Variants in DRC11 observed in about 807,000 individuals in gnomAD.
The protein encoded by DRC11 is dynein regulatory complex subunit 11.
At chr2:236,483,623 C>G in the DRC11 span, among the ~76,000 whole-genome samples, 1 of 152,094 alleles carries the variant, frequency 6.6e-6, no homozygotes, top group East Asian at 1.9e-4. The surrounding 1 kb of genome is among the most constrained non-coding windows in gnomAD (Gnocchi z 4.8). Flanking sequence ...ATTCTTTCCT[C>G]AAGCAAAATA....
the DRC11 span, among the ~76,000 whole-genome samples, chr2:236,354,285 A>AG: frequency 1.3e-4 from 7 of 55,174 alleles, no homozygotes; most frequent in African/African-American, 6.9e-4. Context: ...GTATGAGTTT[A>AG]TGTTAGTGTG....
At chr2:236,434,314 T>C in the DRC11 span, among the ~76,000 whole-genome samples, 1 of 152,244 alleles carries the variant, frequency 6.6e-6, no homozygotes, top group African/African-American at 2.4e-5. The surrounding 1 kb of genome is among the most constrained non-coding windows in gnomAD (Gnocchi z 5.5). Flanking sequence ...TTTCACCTTG[T>C]ATGTATATTG....
At chr2:236,386,944 T>C in the DRC11 span, among the ~76,000 whole-genome samples, 3 of 146,602 alleles carry the variant, frequency 2.0e-5, no homozygotes, top group Non-Finnish European at 4.5e-5. Flanking sequence ...CAGGAGCAGG[T>C]TGTTCAGTTT....
the DRC11 span, among the ~76,000 whole-genome samples, chr2:236,457,800 G>A: frequency 6.6e-6 from 1 of 152,226 alleles, no homozygotes; most frequent in African/African-American, 2.4e-5. This position sits in a 1 kb window ranked among gnomAD's most constrained non-coding sequence, Gnocchi z 4.7. Context: ...GCTGGCAGAG[G>A]CAAGGAAGGG....
chr2:236,400,726 T>C, the DRC11 span, among the ~76,000 whole-genome samples: 2 of 152,174 alleles, frequency 1.3e-5, no homozygotes, highest in South Asian at 4.1e-4. The surrounding 1 kb of genome is among the most constrained non-coding windows in gnomAD (Gnocchi z 7.9). Flanking sequence ...CTCTGGCACC[T>C]GATGGGCTCT....
At chr2:236,472,678 G>C in the DRC11 span, among the ~76,000 whole-genome samples, 3 of 152,164 alleles carry the variant, frequency 2.0e-5, no homozygotes, top group African/African-American at 7.2e-5. This position sits in a 1 kb window ranked among gnomAD's most constrained non-coding sequence, Gnocchi z 4.6. Flanking sequence ...CTCCAGGCTA[G>C]ACCATTTTCC....
At chr2:236,345,321 C>G in the DRC11 span, among the ~76,000 whole-genome samples, 7 of 152,176 alleles carry the variant, frequency 4.6e-5, no homozygotes, top group South Asian at 2.1e-4. Flanking sequence ...TCCCCACCCC[C>G]CCCAACCGCT....
At chr2:236,347,508 C>CTCTCTATATATATATATATATATATATA in the DRC11 span, among the ~76,000 whole-genome samples, 5 of 107,542 alleles carry the variant, frequency 4.6e-5, no homozygotes, top group Non-Finnish European at 1.1e-4. Flanking sequence ...AAAAACTGTG[C>CTCTCTATATATATATATATATATATATA]TATATATATA....
chr2:236,489,757 TA>T, the DRC11 span, among the ~76,000 whole-genome samples: 1 of 152,072 alleles, frequency 6.6e-6, no homozygotes, highest in Non-Finnish European at 1.5e-5. Flanking sequence ...ACCCCGTCTC[TA>T]AAAAAATTTT....
At chr2:236,406,749 A>G in the DRC11 span, among the ~76,000 whole-genome samples, 1 of 143,724 alleles carries the variant, frequency 7.0e-6, no homozygotes, top group East Asian at 2.0e-4. This position sits in a 1 kb window ranked among gnomAD's most constrained non-coding sequence, Gnocchi z 4.7. Flanking sequence ...GATCTCCACT[A>G]TTTTTTTTTT....
chr2:236,459,654 T>C, the DRC11 span, among the ~76,000 whole-genome samples: 1 of 135,832 alleles, frequency 7.4e-6, no homozygotes, highest in Non-Finnish European at 1.7e-5. Context: ...CGTATATATG[T>C]ATATACATAC....
At chr2:236,480,259 A>G in the DRC11 span, among the ~76,000 whole-genome samples, 1 of 151,942 alleles carries the variant, frequency 6.6e-6, no homozygotes, top group South Asian at 2.1e-4. Flanking sequence ...TAACCTTCCT[A>G]TACTTGGATA....
the DRC11 span, among the ~76,000 whole-genome samples, chr2:236,326,367 G>T: frequency 1.1e-4 from 16 of 152,082 alleles, no homozygotes; most frequent in Admixed American, 5.9e-4. Context: ...CACCTTTGAT[G>T]GATCTTTGTA....
chr2:236,441,575 A>G, the DRC11 span, among the ~76,000 whole-genome samples: 9 of 152,298 alleles, frequency 5.9e-5, no homozygotes, highest in East Asian at 1.9e-4. Flanking sequence ...CTGAGGCCCT[A>G]TGTTTTATGG....
the DRC11 span, chr2:236,368,097 A>G: frequency 2.6e-6 from 2 of 768,798 alleles, no homozygotes; most frequent in African/African-American, 3.4e-5. Context: ...GTTAAGGAGC[A>G]CTGTACTTTT....
the DRC11 span, among the ~76,000 whole-genome samples, chr2:236,437,891 T>C: frequency 2.7e-5 from 4 of 145,494 alleles, no homozygotes; most frequent in African/African-American, 7.6e-5. Flanking sequence ...ATTTTGTAGG[T>C]TGCCTGTTCA....
chr2:236,481,892 ATATGTAGAATTC>A, the DRC11 span, among the ~76,000 whole-genome samples: 1 of 149,238 alleles, frequency 6.7e-6, no homozygotes. Flanking sequence ...TCTACATATT[ATATGTAGAATTC>A]TATGTATAAT....
chr2:236,382,304 T>C, the DRC11 span, among the ~76,000 whole-genome samples: 7 of 152,236 alleles, frequency 4.6e-5, no homozygotes, highest in Non-Finnish European at 8.8e-5. Context: ...CACTGATCTA[T>C]GTGTTTAGCT....
chr2:236,361,899 T>C, the DRC11 span, among the ~76,000 whole-genome samples: 2 of 152,136 alleles, frequency 1.3e-5, no homozygotes, highest in Admixed American at 6.5e-5. This position sits in a 1 kb window ranked among gnomAD's most constrained non-coding sequence, Gnocchi z 5.7. Flanking sequence ...CATAGACATA[T>C]TGGAAATAAA....
Sources: allele counts gnomAD v4.1 joint callset (sites outside exome capture counted in the v4.1 genomes callset), GRCh38; gene constraint gnomAD v4.1.1; non-coding constraint Gnocchi (gnomAD v3.1); transcripts MANE v1.5; gene names NCBI Gene and HGNC (gene_info 2026-07-23, HGNC 2026-07-21).